BNIP1: variants seen among roughly 807,000 people sequenced by gnomAD.
BNIP1 encodes the protein vesicle transport protein SEC20.
Under a neutral mutation model 28.5 loss-of-function variants are expected in BNIP1, and 25 were observed. That is an observed-to-expected ratio of 0.88 (90% CI 0.64 to 1.23). BNIP1 has a LOEUF of 1.23. BNIP1 is among the 50% of genes most tolerant of loss of function. BNIP1 has a pLI of 0.00. For missense variants in BNIP1, 276 were observed against 277.0 expected (o/e 1.00, Z 0.02); for synonymous variants, 118 against 101.7 (o/e 1.16, Z -0.96).
chr5:173,145,951 C>G (rs5745110), intron 1 of BNIP1, among the ~76,000 whole-genome samples: 2 of 152,194 alleles, frequency 1.3e-5, no homozygotes, highest in East Asian at 3.8e-4. Context: ...CTTCACTTCT[C>G]TGATGTATAC....
intron 2 of BNIP1, chr5:173,151,592 T>G (rs180928619): frequency 1.2e-6 from 2 of 1,613,664 alleles, no homozygotes; most frequent in African/African-American, 1.3e-5. Context: ...GGGCATTTAT[T>G]TGGACTGCTT....
At position 173,163,721 on chromosome 5, in the gene BNIP1, T is replaced by G; in HGVS notation, c.491-4T>G. ...AGTTGGGCCTCCTTCCTCTTTTGTT[T>G]CAGTCACTTCTTCACGAACGATCCT... On this transcript the variant is annotated splice_region_variant and splice_polypyrimidine_tract_variant and intron_variant, in intron 5 of 5. Transcript: ENST00000351486. 6.3e-7 allele frequency: 1 copy of G among 1,582,754 alleles called. No individual in the cohort carries two copies.
chr5:173,156,427 G>A (rs1760187546), intron 3 of BNIP1, among the ~76,000 whole-genome samples: 1 of 151,882 alleles, frequency 6.6e-6, no homozygotes, highest in Non-Finnish European at 1.5e-5. Flanking sequence ...AGGACTGCTT[G>A]AGCCCAGGAG....
intron 2 of BNIP1, among the ~76,000 whole-genome samples, chr5:173,148,744 T>C (rs1158486791): frequency 8.0e-6 from 1 of 124,536 alleles, no homozygotes; most frequent in Non-Finnish European, 1.9e-5. Context: ...AGGCAGTTGC[T>C]TTATATTGTT....
chr5:173,158,829 G>A lies in BNIP1; in HGVS notation c.355G>A (p.Asp119Asn). 6.2e-7 allele frequency: 1 copy of A among 1,613,632 alleles called. No individual in the cohort carries two copies. Among genetic ancestry groups the A allele is most frequent in the Non-Finnish European group, 8.5e-7 (1 of 1,179,684 alleles). ...LEKAELLQGG[D>N]LLRQRKTTKE... ...GAAAGCAGAACTTCTTCAGGGAGGA[G>A]ATCTCTTAAGGCAAAGGTACCTATT... The change falls in exon 4 of 6, where the codon GAT becomes AAT. Residue 119 changes from aspartate (D) to asparagine (N), a missense_variant. Transcript: ENST00000351486.
chr5:173,163,141 C>T (rs755240622), intron 5 of BNIP1, among the ~76,000 whole-genome samples: 1 of 152,194 alleles, frequency 6.6e-6, no homozygotes, highest in Non-Finnish European at 1.5e-5. Flanking sequence ...GACAGTGATT[C>T]CTTAAGGGAC....
rs192005002 is a variant in BNIP1 at position 173,146,701 on chromosome 5, G to T, written c.85-165G>T. On this transcript the variant is annotated intron_variant, in intron 1 of 5. Coordinates refer to ENST00000351486, the MANE Select transcript of BNIP1 (RefSeq NM_001205.3). ...AAAAAGGAATGAGAAAAATGTAAAT[G>T]ATAATGTTTTTGCTTGTGTTGCAGA... is the stretch of plus-strand genomic sequence containing the variant. Among the ~76,000 whole-genome samples, 152 of 152,306 alleles carry T rather than the reference G, an allele frequency of 1.0e-3. 2 individuals are homozygous for T. In the South Asian group the frequency reaches 0.015, roughly 15 times the overall value.
intron 2 of BNIP1, among the ~76,000 whole-genome samples, chr5:173,150,429 C>T (rs1033730086): frequency 2.0e-5 from 3 of 152,120 alleles, no homozygotes; most frequent in African/African-American, 7.2e-5. Flanking sequence ...TTGCCTACCT[C>T]AGAGATTTTC....
Position 173,148,080 on chromosome 5 carries a change from AAAAATATATATATATATATAT to A in BNIP1, c.177+1124_177+1144del, listed in dbSNP as rs1467590887. 1.0e-4 allele frequency among the ~76,000 whole-genome samples: 5 copies of A among 49,480 alleles called. 1 individual carries two copies. The South Asian group carries it at 4.0e-3, about 40-fold the overall frequency. The allele number at this position is 49,480 out of a possible 152,430, so 32.5% of individuals were successfully genotyped here. A position where few individuals can be genotyped will look rare whatever the true frequency, so the allele number is the denominator to read the frequency against. ...TCTGTGTCAAAAAAAAAAAAAAAAAAAAAATATATATATATATATATATATATATATATATATATATATATA... is the reference window on the plus strand; with the variant it reads ...TCTGTGTCAAAAAAAAAAAAAAAAAAATATATATATATATATATATATATA... On this transcript the variant is annotated intron_variant, in intron 2 of 5. Coordinates refer to ENST00000351486, the MANE Select transcript of BNIP1 (RefSeq NM_001205.3).
intron 5 of BNIP1, among the ~76,000 whole-genome samples, chr5:173,162,100 A>G (rs1760378704): frequency 1.3e-5 from 2 of 152,328 alleles, no homozygotes; most frequent in East Asian, 3.9e-4. Context: ...GAGAAGGATA[A>G]GAAAACTCTA....
chr5:173,152,862 C>T (rs139692065), intron 2 of BNIP1, among the ~76,000 whole-genome samples: 21 of 152,066 alleles, frequency 1.4e-4, no homozygotes, highest in South Asian at 4.2e-4. Context: ...CAAATTGATA[C>T]GTAAATCAGT....
At chr5:173,149,530 C>A (rs1759954934) in intron 2 of BNIP1, among the ~76,000 whole-genome samples, 2 of 152,054 alleles carry the variant, frequency 1.3e-5, no homozygotes, top group African/African-American at 4.8e-5. Flanking sequence ...ACAGCCAAAC[C>A]ATATCACCAT....
intron 5 of BNIP1, among the ~76,000 whole-genome samples, chr5:173,160,529 C>T (rs1022761809): frequency 2.0e-5 from 3 of 152,146 alleles, no homozygotes; most frequent in Non-Finnish European, 2.9e-5. Context: ...ATGCCACGCC[C>T]GGCCCGTATT....
At chr5:173,156,830 A>C (rs556096949) in intron 3 of BNIP1, among the ~76,000 whole-genome samples, 3 of 151,536 alleles carry the variant, frequency 2.0e-5, no homozygotes, top group Non-Finnish European at 4.4e-5. Flanking sequence ...TTATATTTTT[A>C]GTAGAGATGG....
chr5:173,144,765 C>G (rs948190324), intron 1 of BNIP1, 136 bp downstream of exon 1: 27 of 820,242 alleles, frequency 3.3e-5, no homozygotes, highest in Non-Finnish European at 5.0e-5. Context: ...TGGTCGGCTA[C>G]CCCCCCGGTC....
chr5:173,162,726 G>C (rs1372574264), intron 5 of BNIP1, among the ~76,000 whole-genome samples: 1 of 152,036 alleles, frequency 6.6e-6, no homozygotes, highest in South Asian at 2.1e-4. Flanking sequence ...CAGCAGCCTC[G>C]CATGTCTAGG....
At chr5:173,158,673 A>T (rs1269598790) in intron 3 of BNIP1, 71 bp from the exon 4 acceptor site, 3 of 1,229,096 alleles carry the variant, frequency 2.4e-6, no homozygotes, top group African/African-American at 1.5e-5. Context: ...GTTGGGGGGA[A>T]GTGCTGTGAA....
chr5:173,144,559 A>T lies in BNIP1; in HGVS notation c.14A>T (p.Gln5Leu), dbSNP rs761028474. 22 of 1,613,958 alleles carry T rather than the reference A, an allele frequency of 1.4e-5. 1 individual carries two copies. In the South Asian group the frequency reaches 2.4e-4, roughly 18 times the overall value. The stretch of plus-strand genomic sequence containing the variant: ...GGCGTCCCCAACATGGCGGCTCCCC[A>T]AGACGTCCACGTCCGGATCTGTAAC... MAAP[Q>L]DVHVRICNQE... The change falls in exon 1 of 6, where the codon CAA becomes CTA. Residue 5 changes from glutamine to leucine, a missense_variant. By Grantham distance (113) the Gln-to-Leu change is moderately radical. Transcript: ENST00000351486.
chr5:173,154,522 GTC>G, intron 3 of BNIP1, 109 bp downstream of exon 3: 1 of 793,162 alleles, frequency 1.3e-6, no homozygotes, highest in Non-Finnish European at 1.9e-6. Context: ...ACTTAATGGT[GTC>G]TTTTTTTTTT....
Sources: allele counts gnomAD v4.1 joint callset (sites outside exome capture counted in the v4.1 genomes callset), GRCh38; gene constraint gnomAD v4.1.1; transcripts MANE v1.5; gene names NCBI Gene and HGNC (gene_info 2026-07-23, HGNC 2026-07-21).